Variants in DIDO1 observed in about 807,000 individuals in gnomAD.
DIDO1 encodes death inducer-obliterator 1, also known as death-inducer obliterator 1.
A neutral mutation model predicts 99.4 loss-of-function variants in DIDO1; 16 were observed. The ratio of observed to expected loss-of-function variants is 0.16; its 90% CI spans 0.11 to 0.24. The LOEUF (loss-of-function observed/expected upper bound fraction) is 0.24. DIDO1 is among the 10% of genes least tolerant of loss of function. DIDO1 has a pLI of 1.00. For synonymous variants in DIDO1, 1,366 were observed against 1,239.1 expected (o/e 1.10, Z -2.15); for missense variants, 2,996 against 3,014.0 (o/e 0.99, Z 0.14).
In DIDO1 at chr20:62,881,112, G is replaced by T. The variant is rs768436457; in HGVS notation, c.4844C>A (p.Ala1615Asp). Residue 1615 changes from alanine (A) to aspartate (D), a missense_variant, in exon 16 of 16, where the codon GCC becomes GAC. Transcript: ENST00000395343. The surrounding 1 kb of genome is among the most constrained non-coding windows in gnomAD (Gnocchi z 8.3). ...TTCGCCCGAAGCCCAGGGGGAAGAG[G>T]CTGGCTCTTTTTCCTCCGGGACTGG... ...PMPVPEEKEP[A>D]SSPWASGEKP... 3.2e-5 allele frequency: 52 copies of T among 1,609,244 alleles called. No individual in the cohort carries two copies. The highest frequency in any genetic ancestry group is 5.0e-5 in the Admixed American group (3 of 59,852).
intron 15 of DIDO1, chr20:62,887,097 G>C (rs1363852278): frequency 1.0e-6 from 1 of 984,366 alleles, no homozygotes; most frequent in Non-Finnish European, 1.2e-6. Context: ...CTGCTGGGTG[G>C]GCTGCAGAGC....
chr20:62,925,406 G>A (rs2065232944), intron 1 of DIDO1, among the ~76,000 whole-genome samples: 4 of 152,130 alleles, frequency 2.6e-5, no homozygotes, highest in African/African-American at 9.7e-5. Flanking sequence ...ATGGAACACG[G>A]GGTATATAGC....
rs138236785 is a variant in DIDO1 at position 62,919,359 on chromosome 20, T to C, written c.-199-4953A>G. ...TTTGAGACCAGCCTGGCCAACATGG[T>C]GAAATCCCCATCTCTACTAAAAACA... is the stretch of plus-strand genomic sequence containing the variant. On this transcript the variant is annotated intron_variant, in intron 1 of 15. Coordinates refer to ENST00000395343, the MANE Select transcript of DIDO1 (RefSeq NM_001193369.2). 4.0e-4 allele frequency among the ~76,000 whole-genome samples: 61 copies of C among 152,094 alleles called. 2 individuals carry two copies. The East Asian group carries it at 0.012, about 29-fold the overall frequency.
Position 62,894,606 on chromosome 20 carries a change from T to C in DIDO1, c.2437-58A>G. On this transcript the variant is annotated intron_variant, in intron 10 of 15. Transcript: ENST00000395343. This position sits in a 1 kb window ranked among gnomAD's most constrained non-coding sequence, Gnocchi z 4.4. ...TTTCTTCTCCAAACTCAGCTCCAAA[T>C]TAACCACACACAAGAAAAGCAGTCT... 1.3e-6 allele frequency: 2 copies of C among 1,580,304 alleles called. No individual in the cohort carries two copies. The highest frequency in any genetic ancestry group is 2.2e-4 in the Middle Eastern group (1 of 4,464).
Position 62,882,490 on chromosome 20 carries a change from G to T in DIDO1, c.3542-76C>A, listed in dbSNP as rs1369475057. The T allele has an allele frequency of 2.5e-5, 34 of 1,357,916 alleles. No individual in the cohort carries two copies. The Admixed American group carries it at 7.5e-4, about 30-fold the overall frequency. 84.1% of individuals were successfully genotyped at this position (1,357,916 alleles called of 1,614,324 possible). On this transcript the variant is annotated intron_variant, in intron 15 of 15. Coordinates refer to ENST00000395343, the MANE Select transcript of DIDO1 (RefSeq NM_001193369.2). ...CCCTTTAGAGGTGAATTTCATTAAG[G>T]GCTTTCACGGGGAACGTTTAATAGA...
intron 1 of DIDO1, among the ~76,000 whole-genome samples, chr20:62,934,704 A>G (rs2065364563): frequency 6.6e-6 from 1 of 152,068 alleles, no homozygotes; most frequent in African/African-American, 2.4e-5. Flanking sequence ...TCCCATTCCC[A>G]TCACATCTCT....
At chr20:62,916,657 T>C (rs1010758850) in intron 1 of DIDO1, among the ~76,000 whole-genome samples, 1 of 152,206 alleles carries the variant, frequency 6.6e-6, no homozygotes, top group Non-Finnish European at 1.5e-5. Context: ...CGAAGACAGC[T>C]CCATGTTCAT....
intron 6 of DIDO1, among the ~76,000 whole-genome samples, chr20:62,903,986 T>TC (rs561117662): frequency 9.2e-5 from 14 of 152,208 alleles, no homozygotes; most frequent in Non-Finnish European, 1.8e-4. Context: ...GCCCCTCATT[T>TC]CCCCATCTTC....
chr20:62,923,008 G>A (rs1221434668), intron 1 of DIDO1, among the ~76,000 whole-genome samples: 1 of 152,044 alleles, frequency 6.6e-6, no homozygotes, highest in East Asian at 1.9e-4. Flanking sequence ...TCTTTTTGTT[G>A]GGGGTGGGGG....
At chr20:62,905,817 C>T in intron 6 of DIDO1, 70 bp downstream of exon 6, 3 of 1,613,936 alleles carry the variant, frequency 1.9e-6, no homozygotes, top group Non-Finnish European at 2.5e-6. Flanking sequence ...CAGTCCTGGA[C>T]AGGCCCAGGG....
chr20:62,908,837 C>A (rs1012276246), intron 4 of DIDO1, among the ~76,000 whole-genome samples: 1 of 152,138 alleles, frequency 6.6e-6, no homozygotes, highest in Non-Finnish European at 1.5e-5. Context: ...CCAGCCTGGG[C>A]AACAGAGCGA....
intron 1 of DIDO1, among the ~76,000 whole-genome samples, chr20:62,920,823 T>C (rs893285881): frequency 6.6e-6 from 1 of 152,250 alleles, no homozygotes; most frequent in Non-Finnish European, 1.5e-5. Flanking sequence ...CAAAACCATC[T>C]TTCTCATTGT....
intron 4 of DIDO1, among the ~76,000 whole-genome samples, chr20:62,909,013 G>A (rs2064867508): frequency 6.6e-6 from 1 of 152,236 alleles, no homozygotes; most frequent in South Asian, 2.1e-4. Flanking sequence ...CCAAGGGCAC[G>A]CTCCCAGGTG....
chr20:62,884,898 C>A (rs1248384582), intron 15 of DIDO1, among the ~76,000 whole-genome samples: 1 of 152,216 alleles, frequency 6.6e-6, no homozygotes, highest in Non-Finnish European at 1.5e-5. Flanking sequence ...ACCAGCCGGG[C>A]CACACCGAAG....
intron 6 of DIDO1, among the ~76,000 whole-genome samples, chr20:62,898,950 A>T (rs1568851949): frequency 1.3e-5 from 2 of 152,226 alleles, no homozygotes; most frequent in Non-Finnish European, 2.9e-5. Flanking sequence ...ACAGGTCTGC[A>T]GCATCTTGCC....
upstream of DIDO1, chr20:62,926,592 GCTGCGAAGCCCGGCCCCGGA>G (rs1194787944): frequency 1.1e-4 from 17 of 152,302 alleles, no homozygotes; most frequent in African/African-American, 1.7e-4. Context: ...CGGAGCCCGG[GCTGCGAAGCCCGGCCCCGGA>G]CTGCGCGCAT....
intron 6 of DIDO1, among the ~76,000 whole-genome samples, chr20:62,903,672 G>A (rs890505012): frequency 3.3e-5 from 5 of 152,212 alleles, no homozygotes; most frequent in African/African-American, 1.2e-4. Context: ...AACATTTACG[G>A]GATAACAAAA....
chr20:62,924,466 G>A (rs2065215591), intron 1 of DIDO1, among the ~76,000 whole-genome samples: 1 of 152,174 alleles, frequency 6.6e-6, no homozygotes, highest in Non-Finnish European at 1.5e-5. Context: ...ACGTGGCACA[G>A]CTTAAAAATA....
chr20:62,903,888 C>T (rs1003229174), intron 6 of DIDO1, among the ~76,000 whole-genome samples: 4 of 152,140 alleles, frequency 2.6e-5, no homozygotes, highest in African/African-American at 9.7e-5. Flanking sequence ...CAGAGTACCC[C>T]GCTATGGGCA....
Sources: allele counts gnomAD v4.1 joint callset (sites outside exome capture counted in the v4.1 genomes callset), GRCh38; gene constraint gnomAD v4.1.1; non-coding constraint Gnocchi (gnomAD v3.1); transcripts MANE v1.5; gene names NCBI Gene and HGNC (gene_info 2026-07-23, HGNC 2026-07-21).